Variants in TADA2A observed in about 807,000 individuals in gnomAD.
The protein encoded by TADA2A is transcriptional adaptor 2A, also known as transcriptional adapter 2-alpha.
TADA2A carries 38 observed loss-of-function variants against 67.4 expected under a neutral mutation model. That is an observed-to-expected ratio of 0.56 (90% CI 0.44 to 0.74). The LOEUF is 0.74. Among genes scored for constraint, TADA2A ranks in the 30% least tolerant of loss-of-function variants. TADA2A has a pLI of 0.00. For synonymous variants in TADA2A, 192 were observed against 181.6 expected, an observed-to-expected ratio of 1.06 and a Z score of -0.46; for missense variants, 454 against 547.0, an observed-to-expected ratio of 0.83 and a Z score of 1.70.
intron 5 of TADA2A, among the ~76,000 whole-genome samples, chr17:37,438,714 A>G (rs534297421): frequency 2.0e-5 from 3 of 152,348 alleles, no homozygotes; most frequent in Admixed American, 2.0e-4. Context: ...ACAATGAGAA[A>G]TACCAAAGGA....
intron 4 of TADA2A, among the ~76,000 whole-genome samples, chr17:37,432,611 G>A (rs1168775712): frequency 6.6e-6 from 1 of 152,164 alleles, no homozygotes; most frequent in Non-Finnish European, 1.5e-5. Context: ...ATGGACACCT[G>A]GGCCTTGCCC....
At chr17:37,463,610 T>A (rs2053596554) in intron 10 of TADA2A, among the ~76,000 whole-genome samples, 1 of 151,552 alleles carries the variant, frequency 6.6e-6, no homozygotes, top group Admixed American at 6.6e-5. Context: ...TTTTTAAAAA[T>A]ATAGCCATCA....
rs543049370 is a variant in TADA2A at position 37,474,547 on chromosome 17, T to C, written c.1073-9T>C. The C allele has an allele frequency of 1.2e-6, 2 of 1,612,462 alleles. No homozygotes were observed. Among genetic ancestry groups the C allele is most frequent in the African/African-American group, 2.7e-5 (2 of 75,012 alleles). Reference sequence around the variant, plus strand: ...TTAAATCTATGCTGTTTCCTTTCTCTGTCTATAGGTAGACGGAGTGCACCA... The same window carrying C: ...TTAAATCTATGCTGTTTCCTTTCTCCGTCTATAGGTAGACGGAGTGCACCA... On this transcript the variant is annotated splice_polypyrimidine_tract_variant and intron_variant, in intron 14 of 15. Transcript: ENST00000615182.
intron 12 of TADA2A, among the ~76,000 whole-genome samples, chr17:37,469,228 C>T (rs1176175683): frequency 2.0e-5 from 3 of 151,886 alleles, no homozygotes; most frequent in Non-Finnish European, 4.4e-5. Flanking sequence ...CTTAACACAG[C>T]CCTGTGGGTG....
chr17:37,461,437 T>G (rs542600024), intron 9 of TADA2A, among the ~76,000 whole-genome samples: 22 of 152,346 alleles, frequency 1.4e-4, no homozygotes, highest in African/African-American at 5.3e-4. Context: ...AGAAGCTTCA[T>G]TGCTAGTTAT....
At chr17:37,449,991 A>G (rs2053187513) in intron 8 of TADA2A, among the ~76,000 whole-genome samples, 1 of 152,172 alleles carries the variant, frequency 6.6e-6, no homozygotes, top group Non-Finnish European at 1.5e-5. Flanking sequence ...CAGGGGTGTC[A>G]ATCTTTTGGC....
At chr17:37,470,949 A>C (rs2053774134) in intron 13 of TADA2A, 145 bp from the exon 14 acceptor site, 1 of 776,408 alleles carries the variant, frequency 1.3e-6, no homozygotes, top group Non-Finnish European at 2.2e-6. Flanking sequence ...CAATACAGTG[A>C]GATATCTGTA....
chr17:37,435,697 A>G (rs1419152487), intron 4 of TADA2A, among the ~76,000 whole-genome samples: 1 of 152,136 alleles, frequency 6.6e-6, no homozygotes, highest in African/African-American at 2.4e-5. Context: ...CTCCTGCCTT[A>G]GCCTGCCAAG....
intron 8 of TADA2A, among the ~76,000 whole-genome samples, chr17:37,445,996 A>G (rs1336309816): frequency 6.6e-6 from 1 of 151,760 alleles, no homozygotes; most frequent in Non-Finnish European, 1.5e-5. Context: ...AGCTGCCTGG[A>G]TATTTGTTAT....
chr17:37,412,948 G>A (rs1367527920), intron 2 of TADA2A, among the ~76,000 whole-genome samples: 3 of 151,790 alleles, frequency 2.0e-5, no homozygotes, highest in Non-Finnish European at 4.4e-5. Context: ...TTTTTTTTGA[G>A]ATGGAGTCTT....
intron 5 of TADA2A, among the ~76,000 whole-genome samples, chr17:37,438,851 T>TA (rs1262818806): frequency 1.3e-5 from 2 of 152,116 alleles, no homozygotes; most frequent in African/African-American, 4.8e-5. Context: ...ACAAAGAACA[T>TA]AAAAAAGACA....
At chr17:37,464,856 CAGTG>C (rs1206567651) in intron 10 of TADA2A, among the ~76,000 whole-genome samples, 4 of 131,682 alleles carry the variant, frequency 3.0e-5, no homozygotes, top group South Asian at 4.9e-4. Context: ...AAAAAAAAGA[CAGTG>C]AGGTGGCTGG....
At chr17:37,438,870 C>T (rs1376749767) in intron 5 of TADA2A, among the ~76,000 whole-genome samples, 2 of 152,172 alleles carry the variant, frequency 1.3e-5, no homozygotes, top group East Asian at 1.9e-4. Flanking sequence ...CATAGCTTCT[C>T]TATCCGCTGT....
intron 6 of TADA2A, among the ~76,000 whole-genome samples, chr17:37,441,944 G>A (rs370023132): frequency 2.6e-5 from 4 of 152,182 alleles, no homozygotes; most frequent in South Asian, 2.1e-4. Context: ...GGGATTACAG[G>A]TGTGAGCCAC....
At chr17:37,435,572 G>A (rs1338881075) in intron 4 of TADA2A, among the ~76,000 whole-genome samples, 2 of 152,104 alleles carry the variant, frequency 1.3e-5, no homozygotes, top group Non-Finnish European at 2.9e-5. Context: ...ACAGGCATGA[G>A]CCACTGTGCC....
intron 9 of TADA2A, among the ~76,000 whole-genome samples, chr17:37,460,426 G>T (rs2053520636): frequency 1.3e-5 from 2 of 151,704 alleles, no homozygotes; most frequent in African/African-American, 4.8e-5. Context: ...TTTATTTTTA[G>T]TAGAGACACA....
intron 10 of TADA2A, among the ~76,000 whole-genome samples, chr17:37,464,210 A>G (rs2053610978): frequency 2.0e-5 from 3 of 152,210 alleles, no homozygotes. Flanking sequence ...GTGTCTCTGC[A>G]TGATATTTGC....
rs997595522 is a variant in TADA2A at position 37,449,662 on chromosome 17, C to T, written c.604+4894C>T. Among the ~76,000 whole-genome samples the T allele has an allele frequency of 3.3e-5, 5 of 149,368 alleles. No homozygotes were observed. In the Admixed American group the frequency reaches 3.4e-4, roughly 10 times the overall value. On this transcript the variant is annotated intron_variant, in intron 8 of 15. Transcript: ENST00000615182. ...TGAGACAGGGTCACGCCCTGTTGCC[C>T]ATGCTGGAGTGCAGTGGCACAATCA...
chr17:37,445,958 G>A (rs1419689979), intron 8 of TADA2A, among the ~76,000 whole-genome samples: 18 of 152,046 alleles, frequency 1.2e-4, no homozygotes, highest in Admixed American at 1.2e-3. Flanking sequence ...CCTAGAAGGG[G>A]AACTTGATTC....
Sources: gnomAD v4.1 joint callset for allele counts (sites outside exome capture counted in the v4.1 genomes callset) on GRCh38, gnomAD v4.1.1 for gene constraint, MANE v1.5 for transcripts, NCBI Gene and HGNC (gene_info 2026-07-23, HGNC 2026-07-21) for gene names.